SACS: variants seen among roughly 807,000 people sequenced by gnomAD.
SACS encodes the protein sacsin.
SACS carries 197 observed loss-of-function variants against 348.0 expected under a neutral mutation model. The observed-to-expected ratio is 0.57, with a 90% CI of 0.50 to 0.64. The LOEUF (loss-of-function observed/expected upper bound fraction) is 0.64. Among genes scored for constraint, SACS ranks in the 30% least tolerant of loss-of-function variants. The probability of loss-of-function intolerance (pLI) is 0.00; values close to 1 mark genes in which losing one functional copy is unlikely to be tolerated. For synonymous variants in SACS, 1,985 were observed against 1,910.6 expected (o/e 1.04, Z -1.02); for missense variants, 4,999 against 5,360.8 (o/e 0.93, Z 2.11).
At chr13:23,388,290 C>T (rs1185270842) in intron 2 of SACS, among the ~76,000 whole-genome samples, 14 of 148,300 alleles carry the variant, frequency 9.4e-5, no homozygotes, top group South Asian at 6.4e-4. Flanking sequence ...GCCGAGATTG[C>T]GCCACTGCAC....
chr13:23,340,008 C>A lies in SACS; in HGVS notation c.3868G>T (p.Ala1290Ser), dbSNP rs757939935. The change falls in exon 10 of 10, where the codon GCT becomes TCT. Residue 1290 changes from alanine to serine, a missense_variant. Ala to Ser is a moderately conservative substitution (Grantham distance 99). This residue lies in a region of SACS where 3,156 missense variants were observed against 3,380.1 expected (regional missense o/e 0.93). Coordinates refer to ENST00000382292, the MANE Select transcript of SACS (RefSeq NM_014363.6). ...TGKKFCPLAQ[A>S]VIKPIHDLDL... ...AGATCATGGATTGGTTTAATCACAG[C>A]CTGGGCAAGTGGACAAAACTTTTTG... The A allele has an allele frequency of 2.5e-5, 40 of 1,613,300 alleles. No individual in the cohort carries two copies. Among genetic ancestry groups the A allele is most frequent in the Middle Eastern group, 1.6e-4 (1 of 6,080 alleles).
intron 1 of SACS, among the ~76,000 whole-genome samples, chr13:23,429,784 C>T (rs377484722): frequency 1.2e-3 from 176 of 152,260 alleles, no homozygotes; most frequent in Middle Eastern, 6.8e-3. Flanking sequence ...AGTATATCTT[C>T]CTCCAAATAC....
chr13:23,369,910 G>A (rs1325766865), intron 4 of SACS, among the ~76,000 whole-genome samples: 2 of 151,066 alleles, frequency 1.3e-5, no homozygotes, highest in Non-Finnish European at 2.9e-5. Context: ...CTGGGCTGGA[G>A]TGCAATGGAG....
Position 23,349,349 on chromosome 13 carries a change from G to A in SACS, c.2185+4436C>T, listed in dbSNP as rs116567560. Among the ~76,000 whole-genome samples the A allele has an allele frequency of 4.1e-3, 622 of 152,286 alleles. 4 individuals carry two copies. Among genetic ancestry groups the A allele is most frequent in the African/African-American group, 0.015 (609 of 41,546 alleles). Reference sequence around the variant, plus strand: ...TGTGGACAGTAGTGTTATTTTCAGTGGGATCACTCAAAATGAGAAACAGAT... The same window carrying A: ...TGTGGACAGTAGTGTTATTTTCAGTAGGATCACTCAAAATGAGAAACAGAT... On this transcript the variant is annotated intron_variant, in intron 9 of 9. Coordinates refer to ENST00000382292, the MANE Select transcript of SACS (RefSeq NM_014363.6).
chr13:23,409,039 A>ATTT (rs1474798713), intron 2 of SACS, among the ~76,000 whole-genome samples: 3 of 66,814 alleles, frequency 4.5e-5, no homozygotes, highest in African/African-American at 1.2e-4. Context: ...AACAAGTTTT[A>ATTT]CTTTTTTTTT....
At chr13:23,412,426 T>C (rs866542159) in intron 1 of SACS, among the ~76,000 whole-genome samples, 1,224 of 87,890 alleles carry the variant, frequency 0.014, 13 homozygotes, top group African/African-American at 0.042. Context: ...TTTTTTTTTT[T>C]TCTCTGAGAC....
At chr13:23,409,492 G>A (rs551047837) in intron 2 of SACS, among the ~76,000 whole-genome samples, 1 of 151,374 alleles carries the variant, frequency 6.6e-6, no homozygotes, top group South Asian at 2.1e-4. Context: ...GAGTAGCTGG[G>A]ATTGCTCCAC....
chr13:23,340,243 T>C lies in SACS; in HGVS notation c.3633A>G (p.Lys1211=). The C allele has an allele frequency of 6.2e-7, 1 of 1,610,836 alleles. No individual in the cohort carries two copies. ...TAGGTTTTGTGAAGATCCCTAATGCTTTTTCCAGGTTTACATGGATACTTT... is the reference window on the plus strand; with the variant it reads ...TAGGTTTTGTGAAGATCCCTAATGCCTTTTCCAGGTTTACATGGATACTTT... ...LVESIHVNLE[K]ALGIFTKPSL... Residue 1211 remains lysine, a synonymous_variant, in exon 10 of 10, where the codon AAA becomes AAG. Coordinates refer to ENST00000382292, the MANE Select transcript of SACS (RefSeq NM_014363.6).
chr13:23,353,411 T>C (rs757612964), intron 9 of SACS, among the ~76,000 whole-genome samples: 1 of 152,194 alleles, frequency 6.6e-6, no homozygotes, highest in Non-Finnish European at 1.5e-5. Flanking sequence ...ATCTTAACCT[T>C]TCTCTCTCCT....
chr13:23,340,546 A>G lies in SACS; in HGVS notation c.3330T>C (p.Ile1110=). The change falls in exon 10 of 10, where the codon ATT becomes ATC. Residue 1110 remains isoleucine (I), a synonymous_variant. Transcript: ENST00000382292. Reference sequence around the variant, plus strand: ...GACAAGCACCGACCTGTAAGGCTTCAATTTTTTTTGCCACTTGCACAACAT... The same window carrying G: ...GACAAGCACCGACCTGTAAGGCTTCGATTTTTTTTGCCACTTGCACAACAT... The part of the protein sequence containing the change: ...EKDVVQVAKK[I]EALQVGACPD... 6.2e-7 allele frequency: 1 copy of G among 1,613,070 alleles called. No individual in the cohort carries two copies. The highest frequency in any genetic ancestry group is 8.5e-7 in the Non-Finnish European group (1 of 1,179,712).
At position 23,336,920 on chromosome 13, in the gene SACS, C is replaced by T; in HGVS notation, c.6956G>A (p.Cys2319Tyr). 6.2e-7 allele frequency: 1 copy of T among 1,613,830 alleles called. No homozygotes were observed. Among genetic ancestry groups the T allele is most frequent in the Non-Finnish European group, 8.5e-7 (1 of 1,179,800 alleles). The change falls in exon 10 of 10, where the codon TGC (cysteine) becomes TAC (tyrosine). Residue 2319 changes from cysteine to tyrosine, a missense_variant. By Grantham distance (194) the Cys-to-Tyr change is radical. Transcript: ENST00000382292. Reference protein sequence around the residue: ...TLYQENITNACYKYLHEALMQ... With the variant: ...TLYQENITNAYYKYLHEALMQ... ...CAAGGCTTCATGAAGGTATTTGTAG[C>T]AAGCATTGGTGATATTCTCCTGGTA...
At chr13:23,378,948 A>C (rs1323603440) in intron 2 of SACS, among the ~76,000 whole-genome samples, 1 of 152,236 alleles carries the variant, frequency 6.6e-6, no homozygotes, top group Non-Finnish European at 1.5e-5. Context: ...AAAAGGGAAT[A>C]GAGTAAAAAA....
chr13:23,406,873 T>G (rs879448827), intron 2 of SACS, among the ~76,000 whole-genome samples: 4 of 152,288 alleles, frequency 2.6e-5, no homozygotes, highest in South Asian at 4.1e-4. Context: ...TGTAGAGAGA[T>G]ATTTTATGCT....
Position 23,340,036 on chromosome 13 carries a change from A to T in SACS, c.3840T>A (p.Thr1280=), listed in dbSNP as rs1319754110. Residue 1280 remains threonine, a synonymous_variant, in exon 10 of 10, where the codon ACT becomes ACA. Transcript: ENST00000382292. Reference sequence around the variant, plus strand: ...GGGCAAGTGGACAAAACTTTTTGCCAGTCCAAACCCATGGAAATTTTAAGG... The same window carrying T: ...GGGCAAGTGGACAAAACTTTTTGCCTGTCCAAACCCATGGAAATTTTAAGG... ...FRALKFPWVW[T]GKKFCPLAQA... The T allele has an allele frequency of 1.2e-6, 2 of 1,613,592 alleles. No homozygotes were observed. The highest frequency in any genetic ancestry group is 1.7e-6 in the Non-Finnish European group (2 of 1,179,834).
rs1235761763 is a variant in SACS, at chr13:23,355,903, T to C, written c.709A>G (p.Ser237Gly). 1 of 1,614,186 alleles carries C rather than the reference T, an allele frequency of 6.2e-7. No homozygotes were observed. Among genetic ancestry groups the C allele is most frequent in the Non-Finnish European group, 8.5e-7 (1 of 1,180,010 alleles). The change falls in exon 8 of 10, where the codon AGC becomes GGC. Residue 237 changes from serine to glycine, a missense_variant. Coordinates refer to ENST00000382292, the MANE Select transcript of SACS (RefSeq NM_014363.6). ...SGQCWNLKDD[S>G]KEISELSDQF... ...TCTGAAAGTTCACTAATTTCTTTGC[T>C]GTCATCTTTGAGATTCCAACATTGG...
chr13:23,330,050 T>C lies in SACS; in HGVS notation c.*86A>G, dbSNP rs1883367538. On this transcript the variant is annotated 3_prime_UTR_variant, in exon 10 of 10. Coordinates refer to ENST00000382292, the MANE Select transcript of SACS (RefSeq NM_014363.6). ...TGCAATGTGCTTAACAATTCCTAGC[T>C]AATTGGCAATGAAGCTTAATGAAGT... 3.3e-6 allele frequency: 4 copies of C among 1,198,648 alleles called. No homozygotes were observed. The highest frequency in any genetic ancestry group is 3.0e-5 in the African/African-American group (2 of 66,338). The allele number at this position is 1,198,648 out of a possible 1,614,324, so 74.3% of individuals were successfully genotyped here.
At position 23,340,949 on chromosome 13, in the gene SACS, C is replaced by G; in HGVS notation, c.2927G>C (p.Arg976Pro). 1 of 1,613,988 alleles carries G rather than the reference C, an allele frequency of 6.2e-7. No homozygotes were observed. Residue 976 changes from arginine (R) to proline (P), a missense_variant, in exon 10 of 10, where the codon CGT becomes CCT. Coordinates refer to ENST00000382292, the MANE Select transcript of SACS (RefSeq NM_014363.6). The stretch of plus-strand genomic sequence containing the variant: ...TTCTATTTTCAACATGTTTGCCAGA[C>G]GAATAGTAGCTTCATCACTACTGTC... ...VIDSSDEATIRLANMLKIEQL... is the reference protein window; with the variant it reads ...VIDSSDEATIPLANMLKIEQL...
intron 2 of SACS, among the ~76,000 whole-genome samples, chr13:23,404,953 A>T (rs562660405): frequency 1.1e-4 from 16 of 152,346 alleles, no homozygotes; most frequent in Middle Eastern, 3.4e-3. Context: ...ATGGATAGGA[A>T]GAATCAATAT....
intron 6 of SACS, among the ~76,000 whole-genome samples, chr13:23,362,689 G>A (rs1224259537): frequency 6.7e-6 from 1 of 148,198 alleles, no homozygotes; most frequent in African/African-American, 2.5e-5. Flanking sequence ...AGGTTCAAGT[G>A]ATTCTCCTGC....
Sources: gnomAD v4.1 joint callset for allele counts (sites outside exome capture counted in the v4.1 genomes callset) on GRCh38, gnomAD v4.1.1 for gene constraint, gnomAD v4.1.1 regional missense constraint, MANE v1.5 for transcripts, NCBI Gene and HGNC (gene_info 2026-07-23, HGNC 2026-07-21) for gene names.